PADI4: variants seen among roughly 807,000 people sequenced by gnomAD.
PADI4 encodes protein-arginine deiminase type-4.
A neutral mutation model predicts 75.0 loss-of-function variants in PADI4; 62 were observed. The observed-to-expected ratio is 0.83, with a 90% CI of 0.67 to 1.02. PADI4 has a LOEUF of 1.02. PADI4 is among the 50% of genes least tolerant of loss of function. The pLI, the probability that PADI4 is intolerant of heterozygous loss-of-function variation, is 0.00. For missense variants in PADI4, 845 were observed against 850.5 expected (o/e 0.99, Z 0.08); for synonymous variants, 361 against 348.1 (o/e 1.04, Z -0.41).
At chr1:17,313,954 C>T (rs538931328) in intron 1 of PADI4, among the ~76,000 whole-genome samples, 1 of 152,356 alleles carries the variant, frequency 6.6e-6, no homozygotes, top group African/African-American at 2.4e-5. Context: ...ATCTGGAACA[C>T]AGCCAGAGGA....
chr1:17,321,017 TCACA>T (rs1408631908), intron 1 of PADI4, among the ~76,000 whole-genome samples: 1 of 152,220 alleles, frequency 6.6e-6, no homozygotes, highest in Admixed American at 6.5e-5. Context: ...GGTAACATCT[TCACA>T]GGTTTGGGGG....
chr1:17,354,493 T>G lies in PADI4; in HGVS notation c.1156-40T>G, dbSNP rs1210260286. The G allele has an allele frequency of 3.1e-6, 5 of 1,604,860 alleles. No homozygotes were observed. In the Admixed American group the frequency reaches 8.3e-5, roughly 27 times the overall value. On this transcript the variant is annotated intron_variant, in intron 10 of 15. Transcript: ENST00000375448. The stretch of plus-strand genomic sequence containing the variant: ...ACCCCCCGACCCTTCACCAGGGACC[T>G]CATTCCTCTAACTCTTGGCACTCCC...
chr1:17,324,099 A>T (rs895913068), intron 1 of PADI4, among the ~76,000 whole-genome samples: 2 of 151,006 alleles, frequency 1.3e-5, no homozygotes, highest in African/African-American at 4.9e-5. Flanking sequence ...GTATCTGCCT[A>T]GAAGTCAAAT....
At chr1:17,322,042 A>G (rs147822515) in intron 1 of PADI4, among the ~76,000 whole-genome samples, 2,072 of 152,346 alleles carry the variant, frequency 0.014, 54 homozygotes, top group African/African-American at 0.047. Context: ...TAGCTCAGTG[A>G]ATCTGCATTT....
chr1:17,336,336 T>G, intron 4 of PADI4, 110 bp downstream of exon 4: 1 of 713,530 alleles, frequency 1.4e-6, no homozygotes. Context: ...GTGTTAACTG[T>G]TAAAAAAAGA....
rs2100249358 is a variant in PADI4, at chr1:17,356,903, G to T, written c.1558+444G>T. Among the ~76,000 whole-genome samples the T allele has an allele frequency of 6.6e-6, 1 of 152,318 alleles. No homozygotes were observed. The highest frequency in any genetic ancestry group is 2.4e-5 in the African/African-American group (1 of 41,570). ...GACCTCGGGGAGGTTCGGTATAGCT[G>T]GAGCACAGATGAAATATTACTCTCT... On this transcript the variant is annotated intron_variant, in intron 13 of 15. Coordinates refer to ENST00000375448, the MANE Select transcript of PADI4 (RefSeq NM_012387.3). The surrounding 1 kb of genome is among the most constrained non-coding windows in gnomAD (Gnocchi z 4.1).
In PADI4 at chr1:17,346,793, C is replaced by T. The variant is rs943604595; in HGVS notation, c.1047+654C>T. Among the ~76,000 whole-genome samples, 2 of 152,092 alleles carry T rather than the reference C, an allele frequency of 1.3e-5. No individual in the cohort carries two copies. Among genetic ancestry groups the T allele is most frequent in the Non-Finnish European group, 2.9e-5 (2 of 68,018 alleles). On this transcript the variant is annotated intron_variant, in intron 9 of 15. Coordinates refer to ENST00000375448, the MANE Select transcript of PADI4 (RefSeq NM_012387.3). This position sits in a 1 kb window ranked among gnomAD's most constrained non-coding sequence, Gnocchi z 4.3. ...GCGGTGCTGTCTCTTGGACCCATCT[C>T]CCCATTCCCATCCCCCATCTCCAAT...
At chr1:17,339,611 C>T (rs1382317938) in intron 5 of PADI4, 77 bp from the exon 6 acceptor site, 1 of 1,543,696 alleles carries the variant, frequency 6.5e-7, no homozygotes, top group East Asian at 2.3e-5. Flanking sequence ...GAGGCTCCAC[C>T]AGGAGGTGAG....
intron 11 of PADI4, among the ~76,000 whole-genome samples, chr1:17,355,285 C>A (rs1014005750): frequency 1.3e-5 from 2 of 152,204 alleles, no homozygotes; most frequent in Non-Finnish European, 2.9e-5. Context: ...GGCACAGTGG[C>A]TCACACCTGT....
At chr1:17,318,748 C>T (rs1198490312) in intron 1 of PADI4, among the ~76,000 whole-genome samples, 2 of 149,968 alleles carry the variant, frequency 1.3e-5, no homozygotes, top group Non-Finnish European at 1.5e-5. Flanking sequence ...TGCAGTGGCG[C>T]GATCTTGGCT....
chr1:17,325,078 C>T (rs2074096534), intron 1 of PADI4, among the ~76,000 whole-genome samples: 1 of 152,214 alleles, frequency 6.6e-6, no homozygotes, highest in South Asian at 2.1e-4. Flanking sequence ...TTTACAAGTA[C>T]CTTGACCAAC....
intron 10 of PADI4, among the ~76,000 whole-genome samples, chr1:17,350,406 A>G (rs2074597751): frequency 7.6e-6 from 1 of 131,482 alleles, no homozygotes; most frequent in African/African-American, 2.5e-5. Context: ...GCTCGAGGTC[A>G]GCTCTCTGCT....
chr1:17,342,309 A>T lies in PADI4; in HGVS notation c.842A>T (p.Glu281Val), dbSNP rs781755251. 3.1e-6 allele frequency: 5 copies of T among 1,612,030 alleles called. No homozygotes were observed. The South Asian group carries it at 5.5e-5, about 18-fold the overall frequency. The change falls in exon 8 of 16, where the codon GAG (glutamate) becomes GTG (valine). Residue 281 changes from glutamate to valine, a missense_variant. Physicochemically the swap from Glu to Val is moderately radical, Grantham distance 121. Coordinates refer to ENST00000375448, the MANE Select transcript of PADI4 (RefSeq NM_012387.3). ...CCCCCTCCCCTGCAGGAGCTCCCCG[A>T]GGCTGTGGTGTTCCAAGACAGCGTG... ...LLDTSNLELP[E>V]AVVFQDSVVF...
intron 8 of PADI4, among the ~76,000 whole-genome samples, chr1:17,344,136 G>A (rs1307782061): frequency 1.3e-5 from 2 of 152,208 alleles, no homozygotes; most frequent in East Asian, 3.8e-4. Flanking sequence ...GAACTTGTTG[G>A]GAACCGGAGC....
At chr1:17,342,833 G>A (rs541836848) in intron 8 of PADI4, among the ~76,000 whole-genome samples, 52 of 152,062 alleles carry the variant, frequency 3.4e-4, no homozygotes, top group Admixed American at 7.2e-4. Flanking sequence ...AAAATTGGCC[G>A]GGCGTGGTGG....
intron 1 of PADI4, among the ~76,000 whole-genome samples, chr1:17,323,330 C>CCATT (rs56184105): frequency 0.56 from 84,586 of 151,794 alleles, 23,736 homozygotes; most frequent in East Asian, 0.59. Flanking sequence ...AGCACTTTTA[C>CCATT]TTCCTTGGTT....
At chr1:17,318,527 C>T (rs1015635522) in intron 1 of PADI4, among the ~76,000 whole-genome samples, 1 of 152,176 alleles carries the variant, frequency 6.6e-6, no homozygotes, top group African/African-American at 2.4e-5. Context: ...TTCTAAATGT[C>T]AAACTCCCAA....
chr1:17,356,996 A>G lies in PADI4; in HGVS notation c.1558+537A>G, dbSNP rs1249053857. ...CCTCTGTGGCTGAGAGCTCCACCTCAGATCTGAGTATGTTGTGTGGCATCA... is the reference window on the plus strand; with the variant it reads ...CCTCTGTGGCTGAGAGCTCCACCTCGGATCTGAGTATGTTGTGTGGCATCA... On this transcript the variant is annotated intron_variant, in intron 13 of 15. Transcript: ENST00000375448. The surrounding 1 kb of genome is among the most constrained non-coding windows in gnomAD (Gnocchi z 4.1). 6.6e-6 allele frequency among the ~76,000 whole-genome samples: 1 copy of G among 152,104 alleles called. No individual in the cohort carries two copies. Among genetic ancestry groups the G allele is most frequent in the Non-Finnish European group, 1.5e-5 (1 of 68,028 alleles).
At chr1:17,325,313 G>T (rs1469529953) in intron 1 of PADI4, among the ~76,000 whole-genome samples, 2 of 152,006 alleles carry the variant, frequency 1.3e-5, no homozygotes, top group East Asian at 3.9e-4. Flanking sequence ...CATTTTGCTA[G>T]ATTTATCCTA....
Sources: allele counts gnomAD v4.1 joint callset (sites outside exome capture counted in the v4.1 genomes callset), GRCh38; gene constraint gnomAD v4.1.1; non-coding constraint Gnocchi (gnomAD v3.1); transcripts MANE v1.5; gene names NCBI Gene and HGNC (gene_info 2026-07-23, HGNC 2026-07-21).